CADM1: variants seen among roughly 807,000 people sequenced by gnomAD.
CADM1 encodes TSLC-1.
Under a neutral mutation model 53.1 loss-of-function variants are expected in CADM1, and 15 were observed. The observed-to-expected ratio is 0.28, with a 90% CI of 0.19 to 0.44. The LOEUF (loss-of-function observed/expected upper bound fraction) is 0.44, where lower values mean the gene tolerates loss of function less well. CADM1 is among the 20% of genes least tolerant of loss of function. The probability of loss-of-function intolerance (pLI) is 1.00; values close to 1 mark genes in which losing one functional copy is unlikely to be tolerated. For missense variants in CADM1, 434 were observed against 611.3 expected (o/e 0.71, Z 3.06); for synonymous variants, 281 against 243.0 (o/e 1.16, Z -1.45).
intron 1 of CADM1, among the ~76,000 whole-genome samples, chr11:115,298,818 G>C (rs1170478590): frequency 1.3e-5 from 2 of 152,192 alleles, no homozygotes; most frequent in Non-Finnish European, 2.9e-5. Context: ...AGGATGAGGA[G>C]AATGGCTGGC....
intron 1 of CADM1, among the ~76,000 whole-genome samples, chr11:115,308,211 T>TATATATGTATACAC (rs139012671): frequency 7.2e-6 from 1 of 139,384 alleles, no homozygotes; most frequent in Non-Finnish European, 1.5e-5. Context: ...TATATATATA[T>TATATATGTATACAC]ACACACCTAT....
At chr11:115,236,496 T>TAA (rs745996791) in intron 3 of CADM1, among the ~76,000 whole-genome samples, 22 of 152,214 alleles carry the variant, frequency 1.4e-4, no homozygotes, top group Non-Finnish European at 2.5e-4. Context: ...AATACTTCTA[T>TAA]AAAATACAAG....
At chr11:115,411,999 AT>A (rs79222706) in intron 1 of CADM1, among the ~76,000 whole-genome samples, 54 of 151,782 alleles carry the variant, frequency 3.6e-4, no homozygotes, top group African/African-American at 1.2e-3. Context: ...AGACTTCAAG[AT>A]TTTTTTTTAC....
At chr11:115,434,619 G>A (rs1179579650) in intron 1 of CADM1, among the ~76,000 whole-genome samples, 1 of 152,032 alleles carries the variant, frequency 6.6e-6, no homozygotes, top group East Asian at 1.9e-4. Context: ...GAGATAATCT[G>A]GGTACAGCCC....
At chr11:115,382,930 T>C (rs1022124459) in intron 1 of CADM1, among the ~76,000 whole-genome samples, 1 of 151,990 alleles carries the variant, frequency 6.6e-6, no homozygotes, top group African/African-American at 2.4e-5. Flanking sequence ...GGTAGCAAAA[T>C]AGGGAAGAAA....
chr11:115,200,654 C>A (rs1591598520), intron 8 of CADM1, among the ~76,000 whole-genome samples: 1 of 152,202 alleles, frequency 6.6e-6, no homozygotes, highest in African/African-American at 2.4e-5. Flanking sequence ...TGCCACCACG[C>A]CTGGCTAATT....
chr11:115,233,888 T>A (rs1389075868), intron 3 of CADM1, among the ~76,000 whole-genome samples: 1 of 152,196 alleles, frequency 6.6e-6, no homozygotes, highest in Non-Finnish European at 1.5e-5. Context: ...GGCAAATGGC[T>A]AAAGCCACTG....
At chr11:115,439,475 A>T (rs1017998372) in intron 1 of CADM1, among the ~76,000 whole-genome samples, 2 of 152,146 alleles carry the variant, frequency 1.3e-5, no homozygotes, top group African/African-American at 4.8e-5. Context: ...ATGAATCACC[A>T]ATTTGCATAG....
chr11:115,235,813 A>G (rs1484248617), intron 3 of CADM1, among the ~76,000 whole-genome samples: 1 of 152,204 alleles, frequency 6.6e-6, no homozygotes, highest in Non-Finnish European at 1.5e-5. Flanking sequence ...TACTATTACC[A>G]GTAACTATAT....
chr11:115,229,100 C>T lies in CADM1; in HGVS notation c.721+13G>A, dbSNP rs1249562604. On this transcript the variant is annotated intron_variant, in intron 5 of 11. Transcript: ENST00000331581. ...AACTCTACGCCCTCAGAATAAGATA[C>T]CAGGGTACTCACACTGTACTTCTAG... 6.2e-7 allele frequency: 1 copy of T among 1,613,504 alleles called. No homozygotes were observed. The highest frequency in any genetic ancestry group is 1.3e-5 in the African/African-American group (1 of 75,022).
At chr11:115,476,797 T>C (rs889633939) in intron 1 of CADM1, among the ~76,000 whole-genome samples, 2 of 152,160 alleles carry the variant, frequency 1.3e-5, no homozygotes, top group African/African-American at 4.8e-5. Flanking sequence ...AACTTTGTCA[T>C]CCTACTATGC....
chr11:115,353,670 G>A (rs1379553649), intron 1 of CADM1, among the ~76,000 whole-genome samples: 1 of 152,110 alleles, frequency 6.6e-6, no homozygotes, highest in Non-Finnish European at 1.5e-5. Flanking sequence ...TTGAGTTCAT[G>A]CCTCAATCCA....
At chr11:115,339,864 A>G (rs1945378027) in intron 1 of CADM1, 1 of 152,168 alleles carries the variant, frequency 6.6e-6, no homozygotes, top group Non-Finnish European at 1.5e-5. Context: ...TCTTCAATTC[A>G]CTACCTCTCA....
chr11:115,231,817 T>C (rs1941824879), intron 3 of CADM1, among the ~76,000 whole-genome samples: 1 of 151,998 alleles, frequency 6.6e-6, no homozygotes, highest in African/African-American at 2.4e-5. Flanking sequence ...AGAAACCCCA[T>C]CTCTATTAAA....
intron 1 of CADM1, among the ~76,000 whole-genome samples, chr11:115,406,925 G>A (rs762582615): frequency 1.6e-4 from 24 of 151,184 alleles, no homozygotes; most frequent in Non-Finnish European, 2.9e-4. Flanking sequence ...ACTCCAGCCT[G>A]GGCAACAAGA....
At chr11:115,181,625 C>T (rs989165677) in intron 10 of CADM1, among the ~76,000 whole-genome samples, 18 of 152,370 alleles carry the variant, frequency 1.2e-4, no homozygotes, top group African/African-American at 3.8e-4. Flanking sequence ...TTCCCACCCC[C>T]ACTCCCACCT....
intron 1 of CADM1, among the ~76,000 whole-genome samples, chr11:115,322,460 T>C (rs1944848524): frequency 6.6e-6 from 1 of 152,210 alleles, no homozygotes; most frequent in South Asian, 2.1e-4. Flanking sequence ...TACAGTTCAA[T>C]GACTTTGAAT....
intron 1 of CADM1, among the ~76,000 whole-genome samples, chr11:115,359,037 T>A (rs542807169): frequency 6.6e-6 from 1 of 152,276 alleles, no homozygotes; most frequent in South Asian, 2.1e-4. Flanking sequence ...CAAAGAAGAC[T>A]CTCAGGATAG....
At position 115,175,856 on chromosome 11, in the gene CADM1, A is replaced by G; in HGVS notation, c.*618T>C. ...ATTTGAAACATGGGCAGCAGCAAAG[A>G]GTTTTCATTGTTTGTTCACCCAAAT... On this transcript the variant is annotated 3_prime_UTR_variant, in exon 12 of 12. Coordinates refer to ENST00000331581, the MANE Select transcript of CADM1 (RefSeq NM_001301043.2). 5 of 994,582 alleles carry G rather than the reference A, an allele frequency of 5.0e-6. No homozygotes were observed. The highest frequency in any genetic ancestry group is 6.0e-6 in the Non-Finnish European group (5 of 835,214). The allele number at this position is 994,582 out of a possible 1,614,324, so 61.6% of individuals were successfully genotyped here.
Sources: allele counts gnomAD v4.1 joint callset (sites outside exome capture counted in the v4.1 genomes callset), GRCh38; gene constraint gnomAD v4.1.1; transcripts MANE v1.5; gene names NCBI Gene and HGNC (gene_info 2026-07-23, HGNC 2026-07-21).